The following GAS7 variants were observed in gnomAD, a reference collection of about 807,000 sequenced individuals.
GAS7 encodes growth arrest-specific protein 7.
GAS7 carries 28 observed loss-of-function variants against 71.1 expected under a neutral mutation model. That is an observed-to-expected ratio of 0.39 (90% confidence interval 0.29 to 0.54). The LOEUF (loss-of-function observed/expected upper bound fraction) is 0.54, where lower values mean the gene tolerates loss of function less well. Ranked by LOEUF, GAS7 falls within the 20% of genes least tolerant of loss-of-function variation. The pLI is 0.62. For synonymous variants in GAS7, 258 were observed against 245.8 expected (o/e 1.05, Z -0.46); for missense variants, 436 against 627.8 (o/e 0.69, Z 3.27).
At chr17:10,090,525 T>C (rs1261653079) in intron 1 of GAS7, among the ~76,000 whole-genome samples, 1 of 149,964 alleles carries the variant, frequency 6.7e-6, no homozygotes, top group Non-Finnish European at 1.5e-5. Flanking sequence ...AATGGGAAAC[T>C]GCAAATCTAA....
chr17:10,060,487 C>A (rs141367860), intron 1 of GAS7, among the ~76,000 whole-genome samples: 2 of 152,206 alleles, frequency 1.3e-5, no homozygotes, highest in South Asian at 2.1e-4. Flanking sequence ...CCAGGTCTGG[C>A]ACATGGAATA....
At chr17:10,052,699 G>A (rs1031720746) in intron 1 of GAS7, among the ~76,000 whole-genome samples, 7 of 152,172 alleles carry the variant, frequency 4.6e-5, no homozygotes, top group South Asian at 2.1e-4. Context: ...AGCCCCTCTC[G>A]TGTAGGCTGA....
chr17:10,042,438 C>T (rs763171971), intron 1 of GAS7, among the ~76,000 whole-genome samples: 6 of 152,006 alleles, frequency 3.9e-5, no homozygotes, highest in East Asian at 1.9e-4. Context: ...GTCTCAGGGA[C>T]GCCCCCTTCC....
chr17:10,053,482 A>AC (rs917613147), intron 1 of GAS7, among the ~76,000 whole-genome samples: 8 of 151,962 alleles, frequency 5.3e-5, no homozygotes, highest in Non-Finnish European at 2.9e-5. Flanking sequence ...TCACCCAAGG[A>AC]CCCCCAGCGC....
rs562276936 is a variant in GAS7 at position 10,126,454 on chromosome 17, A to G, written c.183+71754T>C. 4.8e-3 allele frequency among the ~76,000 whole-genome samples: 731 copies of G among 151,502 alleles called. 10 individuals are homozygous for G. Among genetic ancestry groups the G allele is most frequent in the South Asian group, 0.02 (96 of 4,794 alleles). ...CGCAGATGCACACACGCGCGCGCGC[A>G]CACGCACTCATGCACACACGCACAC... On this transcript the variant is annotated intron_variant, in intron 1 of 13. Coordinates refer to ENST00000432992, the MANE Select transcript of GAS7 (RefSeq NM_201433.2).
In GAS7 at chr17:10,026,230, G is replaced by A. The variant is rs528629939; in HGVS notation, c.184-6333C>T. 1.0e-6 allele frequency: 1 copy of A among 985,168 alleles called. No homozygotes were observed. Among genetic ancestry groups the A allele is most frequent in the Non-Finnish European group, 1.2e-6 (1 of 829,848 alleles). 61.0% of individuals were successfully genotyped at this position (985,168 alleles called of 1,614,324 possible). A position where few individuals can be genotyped will look rare whatever the true frequency, so the allele number is the denominator to read the frequency against. On this transcript the variant is annotated intron_variant, in intron 1 of 13. Transcript: ENST00000432992. This position sits in a 1 kb window ranked among gnomAD's most constrained non-coding sequence, Gnocchi z 4.5. ...GACACTCGCTTTAGCAGCCAGATCA[G>A]ACGGTTTTAAGGTCTCCCACTCTGC...
At chr17:10,173,278 T>C (rs968953940) in intron 1 of GAS7, among the ~76,000 whole-genome samples, 1 of 152,142 alleles carries the variant, frequency 6.6e-6, no homozygotes, top group Non-Finnish European at 1.5e-5. Flanking sequence ...TGTATAACAC[T>C]GTGAATGTAC....
In GAS7 at chr17:10,085,491, G is replaced by A. The variant is rs565768955; in HGVS notation, c.184-65594C>T. ...GAGGTCAGGAGACTGAGACCATCCT[G>A]GCTAACACGGTGAAACCCCGTCTCT... is the stretch of plus-strand genomic sequence containing the variant. On this transcript the variant is annotated intron_variant, in intron 1 of 13. Transcript: ENST00000432992. Among the ~76,000 whole-genome samples the A allele has an allele frequency of 2.0e-5, 3 of 152,150 alleles. 1 individual carries two copies. In the South Asian group the frequency reaches 6.2e-4, roughly 32 times the overall value.
chr17:10,127,054 TTTG>T (rs1326923277), intron 1 of GAS7, among the ~76,000 whole-genome samples: 4 of 152,250 alleles, frequency 2.6e-5, no homozygotes, highest in South Asian at 2.1e-4. Flanking sequence ...CCTTACATTG[TTTG>T]TTGTTGTTGT....
chr17:9,933,888 A>G (rs1002111122), intron 9 of GAS7, among the ~76,000 whole-genome samples: 9 of 152,154 alleles, frequency 5.9e-5, no homozygotes, highest in Admixed American at 3.3e-4. Context: ...ATAAATACCT[A>G]GCACTTACCA....
chr17:10,150,595 T>C (rs1272888307), intron 1 of GAS7, among the ~76,000 whole-genome samples: 2 of 144,950 alleles, frequency 1.4e-5, no homozygotes, highest in South Asian at 2.2e-4. Context: ...ACATTTCTTT[T>C]TTTTTTTTTT....
rs573443263 is a variant in GAS7, at chr17:10,022,181, T to A, written c.184-2284A>T. On this transcript the variant is annotated intron_variant, in intron 1 of 13. Transcript: ENST00000432992. ...CTGAGGTGGAAGGATTGCCTGAGCCTAGGAGGTTGTTGCAGTGAGCTGTGA... is the reference window on the plus strand; with the variant it reads ...CTGAGGTGGAAGGATTGCCTGAGCCAAGGAGGTTGTTGCAGTGAGCTGTGA... 2.6e-5 allele frequency among the ~76,000 whole-genome samples: 4 copies of A among 152,178 alleles called. No homozygotes were observed. The East Asian group carries it at 7.7e-4, about 29-fold the overall frequency.
chr17:10,179,284 G>A (rs1182308242), intron 1 of GAS7, among the ~76,000 whole-genome samples: 1 of 151,676 alleles, frequency 6.6e-6, no homozygotes, highest in African/African-American at 2.4e-5. Context: ...AGCCGAGATC[G>A]ATCGTTCCAT....
chr17:9,986,270 T>TGACA (rs1429203857), intron 2 of GAS7, among the ~76,000 whole-genome samples: 2 of 152,182 alleles, frequency 1.3e-5, no homozygotes, highest in East Asian at 3.9e-4. Context: ...CTTTGGTGGC[T>TGACA]GACACCATTG....
chr17:9,936,286 G>A (rs2068398716), intron 8 of GAS7, among the ~76,000 whole-genome samples: 1 of 152,194 alleles, frequency 6.6e-6, no homozygotes, highest in African/African-American at 2.4e-5. Context: ...GCCTGTGGGA[G>A]GTATGAACAA....
chr17:9,980,073 A>C (rs1474964386), intron 3 of GAS7, among the ~76,000 whole-genome samples: 2 of 148,926 alleles, frequency 1.3e-5, no homozygotes, highest in East Asian at 3.9e-4. Flanking sequence ...TTAAAAATTT[A>C]ATAATATAAA....
chr17:10,095,008 C>G (rs549090132), intron 1 of GAS7, among the ~76,000 whole-genome samples: 1 of 152,248 alleles, frequency 6.6e-6, no homozygotes, highest in South Asian at 2.1e-4. Context: ...TCGCCACATG[C>G]AATCTTTCCA....
At chr17:10,062,442 G>A (rs775816513) in intron 1 of GAS7, among the ~76,000 whole-genome samples, 17 of 152,248 alleles carry the variant, frequency 1.1e-4, no homozygotes, top group African/African-American at 2.6e-4. Flanking sequence ...CCGAGATTGC[G>A]TCGCTGCACT....
intron 2 of GAS7, among the ~76,000 whole-genome samples, chr17:10,010,300 G>A (rs1405389990): frequency 4.6e-5 from 7 of 151,910 alleles, no homozygotes; most frequent in Non-Finnish European, 7.4e-5. Flanking sequence ...ACAGGCACCC[G>A]CCACCACGCC....
Sources: allele counts gnomAD v4.1 joint callset (sites outside exome capture counted in the v4.1 genomes callset), GRCh38; gene constraint gnomAD v4.1.1; non-coding constraint Gnocchi (gnomAD v3.1); transcripts MANE v1.5; gene names NCBI Gene and HGNC (gene_info 2026-07-23, HGNC 2026-07-21).